Variants in NDC80 observed in about 807,000 individuals in gnomAD.
NDC80 encodes NDC80 kinetochore complex component, also known as kinetochore protein NDC80 homolog.
A neutral mutation model predicts 89.3 loss-of-function variants in NDC80; 69 were observed. That is an observed-to-expected ratio of 0.77 (90% CI 0.64 to 0.94). The LOEUF is 0.94. Among genes scored for constraint, NDC80 ranks in the 40% least tolerant of loss-of-function variants. NDC80 has a pLI of 0.00. For missense variants in NDC80, 593 were observed against 739.6 expected (o/e 0.80, Z 2.30); for synonymous variants, 243 against 255.6 (o/e 0.95, Z 0.47).
In NDC80 at chr18:2,606,448, G is replaced by A. The variant is rs2072712093; in HGVS notation, c.1498G>A (p.Val500Met). ...AATGATAACAGAAAGCAAGAGAAGT[G>A]TGAGAACTCTGAAAGAAGAAGTTCA... ...NAMITESKRSVRTLKEEVQKL... is the reference protein window; with the variant it reads ...NAMITESKRSMRTLKEEVQKL... The change falls in exon 14 of 17, where the codon GTG becomes ATG. Residue 500 changes from valine to methionine, a missense_variant. Transcript: ENST00000261597. 1.1e-5 allele frequency: 17 copies of A among 1,604,428 alleles called. No individual in the cohort carries two copies. The highest frequency in any genetic ancestry group is 1.4e-5 in the Non-Finnish European group (16 of 1,175,002).
At chr18:2,590,829 A>G (rs2072623987) in intron 10 of NDC80, among the ~76,000 whole-genome samples, 1 of 152,248 alleles carries the variant, frequency 6.6e-6, no homozygotes, top group African/African-American at 2.4e-5. Context: ...ATGCTGCCTG[A>G]ATATAGAAAT....
intron 16 of NDC80, 95 bp from the exon 17 acceptor site, chr18:2,616,342 A>C: frequency 1.1e-6 from 1 of 918,932 alleles, no homozygotes; most frequent in Non-Finnish European, 1.6e-6. Context: ...TTCTTAACTT[A>C]AAAATGTTAT....
chr18:2,572,870 G>C, intron 1 of NDC80, 107 bp from the exon 2 acceptor site: 1 of 792,346 alleles, frequency 1.3e-6, no homozygotes, highest in Non-Finnish European at 2.0e-6. Context: ...TGATGATCTT[G>C]AAGAAACAAT....
At chr18:2,577,601 C>T (rs1392030642) in intron 3 of NDC80, 145 bp from the exon 4 acceptor site, 11 of 886,666 alleles carry the variant, frequency 1.2e-5, no homozygotes, top group Non-Finnish European at 1.9e-5. Flanking sequence ...TGCTCCTTTT[C>T]TCTGCTTTAA....
rs2072615458 is a variant in NDC80, at chr18:2,589,218, G to A, written c.778G>A (p.Val260Met). 6.2e-7 allele frequency: 1 copy of A among 1,611,162 alleles called. No homozygotes were observed. Among genetic ancestry groups the A allele is most frequent in the African/African-American group, 1.3e-5 (1 of 74,852 alleles). ...TTTGTCTCCAGAGGATTTATTTAAT[G>A]TGGATGCTTTTAAGCTGGAATCATT... is the stretch of plus-strand genomic sequence containing the variant. The part of the protein sequence containing the change: ...LQSKLKDLFN[V>M]DAFKLESLEA... Residue 260 changes from valine (V) to methionine (M), a missense_variant, in exon 9 of 17, where the codon GTG becomes ATG. Physicochemically the swap from Val to Met is conservative, Grantham distance 21 (BLOSUM62 1). Coordinates refer to ENST00000261597, the MANE Select transcript of NDC80 (RefSeq NM_006101.3).
At chr18:2,602,025 C>A (rs2072686619) in intron 13 of NDC80, among the ~76,000 whole-genome samples, 1 of 152,030 alleles carries the variant, frequency 6.6e-6, no homozygotes, top group African/African-American at 2.4e-5. Context: ...TATTTAGTAA[C>A]CTTTAAAGTA....
intron 13 of NDC80, among the ~76,000 whole-genome samples, chr18:2,603,848 A>G (rs986779227): frequency 1.3e-5 from 2 of 152,204 alleles, no homozygotes; most frequent in African/African-American, 4.8e-5. Context: ...GGATAATTTC[A>G]TAGGTCACTG....
intron 14 of NDC80, among the ~76,000 whole-genome samples, chr18:2,608,262 A>G (rs890385457): frequency 5.9e-5 from 9 of 151,798 alleles, no homozygotes; most frequent in Admixed American, 5.3e-4. Flanking sequence ...CTGGAATGCA[A>G]TGGCACAGTC....
At position 2,595,990 on chromosome 18, in the gene NDC80, A is replaced by G. The variant is rs74477657; in HGVS notation, c.1221+369A>G. Among the ~76,000 whole-genome samples, 1,045 of 152,344 alleles carry G rather than the reference A, an allele frequency of 6.9e-3. 17 individuals are homozygous for G. Among genetic ancestry groups the G allele is most frequent in the African/African-American group, 0.024 (990 of 41,588 alleles). On this transcript the variant is annotated intron_variant, in intron 11 of 16. Transcript: ENST00000261597. The stretch of plus-strand genomic sequence containing the variant: ...GCTGTGTGTCACTTATGCTAGGCAT[A>G]GAGGAAATAAAGATAAAACATTGGC...
At chr18:2,605,309 T>G (rs867716119) in intron 13 of NDC80, among the ~76,000 whole-genome samples, 1 of 147,022 alleles carries the variant, frequency 6.8e-6, no homozygotes, top group African/African-American at 2.7e-5. Flanking sequence ...TGTGTGTGTG[T>G]GTGTGTGTGT....
intron 13 of NDC80, among the ~76,000 whole-genome samples, chr18:2,605,172 T>C (rs1214482019): frequency 1.3e-5 from 2 of 151,988 alleles, no homozygotes; most frequent in African/African-American, 4.8e-5. Context: ...GAGAAGTATA[T>C]AGAAGAGAGA....
In NDC80 at chr18:2,575,075, A is replaced by G. The variant is rs1360125594; in HGVS notation, c.179+9A>G. 1 of 1,585,340 alleles carries G rather than the reference A, an allele frequency of 6.3e-7. No homozygotes were observed. The highest frequency in any genetic ancestry group is 1.1e-5 in the South Asian group (1 of 89,262). Reference sequence around the variant, plus strand: ...TCGCTATTTGGCAAAAGGTAATTATATTTTTCATTAGCTCTAATAAAGGGA... The same window carrying G: ...TCGCTATTTGGCAAAAGGTAATTATGTTTTTCATTAGCTCTAATAAAGGGA... On this transcript the variant is annotated intron_variant, in intron 3 of 16. Coordinates refer to ENST00000261597, the MANE Select transcript of NDC80 (RefSeq NM_006101.3).
intron 16 of NDC80, among the ~76,000 whole-genome samples, chr18:2,611,351 C>G (rs1406463145): frequency 6.6e-6 from 1 of 152,100 alleles, no homozygotes; most frequent in Non-Finnish European, 1.5e-5. Context: ...ACCCAGCCCA[C>G]TTGTGCATTT....
chr18:2,613,587 C>T (rs1316603151), intron 16 of NDC80, among the ~76,000 whole-genome samples: 2 of 152,208 alleles, frequency 1.3e-5, no homozygotes, highest in Non-Finnish European at 2.9e-5. Flanking sequence ...ACACAGAAAT[C>T]AGTTCCAGAT....
At chr18:2,582,961 G>A (rs1048434681) in intron 6 of NDC80, 2 of 152,146 alleles carry the variant, frequency 1.3e-5, no homozygotes, top group African/African-American at 4.8e-5. Flanking sequence ...ACCATAAATA[G>A]GAGGGTTGCA....
chr18:2,599,483 T>C (rs752036992), intron 12 of NDC80, among the ~76,000 whole-genome samples: 53 of 152,164 alleles, frequency 3.5e-4, no homozygotes, highest in South Asian at 1.0e-3. Context: ...TTACAAGTTA[T>C]AGTGAAAAGA....
At chr18:2,575,090 T>C in intron 3 of NDC80, 24 bp downstream of exon 3, 1 of 1,520,914 alleles carries the variant, frequency 6.6e-7, no homozygotes, top group Non-Finnish European at 9.1e-7. Context: ...TCATTAGCTC[T>C]AATAAAGGGA....
At position 2,608,714 on chromosome 18, in the gene NDC80, G is replaced by A. The variant is rs763253906; in HGVS notation, c.1572G>A (p.Glu524=). The A allele has an allele frequency of 7.4e-6, 12 of 1,612,068 alleles. No homozygotes were observed. Among genetic ancestry groups the A allele is most frequent in the Non-Finnish European group, 1.0e-5 (12 of 1,178,614 alleles). ...YQQKIKEAEE[E]DEKCASELES... is the part of the protein sequence containing the mutation. Reference sequence around the variant, plus strand: ...TATCCTGATAGGAAGCAGAGGAAGAGGATGAAAAATGTGCCAGTGAGCTTG... The same window carrying A: ...TATCCTGATAGGAAGCAGAGGAAGAAGATGAAAAATGTGCCAGTGAGCTTG... The change falls in exon 15 of 17, where the codon GAG becomes GAA. Residue 524 remains glutamate (E), a synonymous_variant. Transcript: ENST00000261597.
chr18:2,606,538 A>C, intron 14 of NDC80, 31 bp downstream of exon 14: 1 of 1,427,586 alleles, frequency 7.0e-7, no homozygotes, highest in Non-Finnish European at 9.7e-7. Flanking sequence ...TGCGTAGGTT[A>C]TCAAAAGCTA....
Sources: allele counts gnomAD v4.1 joint callset (sites outside exome capture counted in the v4.1 genomes callset), GRCh38; gene constraint gnomAD v4.1.1; transcripts MANE v1.5; gene names NCBI Gene and HGNC (gene_info 2026-07-23, HGNC 2026-07-21).